PPP1R36: variants seen among roughly 807,000 people sequenced by gnomAD.
The protein encoded by PPP1R36 is chromosome 14 open reading frame 50.
PPP1R36 carries 47 observed loss-of-function variants against 53.4 expected under a neutral mutation model. That is an observed-to-expected ratio of 0.88 (90% confidence interval 0.70 to 1.12). The LOEUF is 1.12. PPP1R36 is among the 50% of genes most tolerant of loss of function. The pLI is 0.00. For missense variants in PPP1R36, 456 were observed against 513.9 expected (o/e 0.89, Z 1.09); for synonymous variants, 153 against 170.5 (o/e 0.90, Z 0.80).
chr14:64,556,601 AT>A (rs753994540), intron 3 of PPP1R36, among the ~76,000 whole-genome samples: 34,468 of 122,668 alleles, frequency 0.28, 4,596 homozygotes, highest in African/African-American at 0.3. Context: ...TGTTCCCACA[AT>A]TTTTTTTTTT....
At chr14:64,556,591 T>G (rs1185674853) in intron 3 of PPP1R36, among the ~76,000 whole-genome samples, 1 of 147,254 alleles carries the variant, frequency 6.8e-6, no homozygotes, top group Non-Finnish European at 1.5e-5. Context: ...GTGAGACTTC[T>G]GTTCCCACAA....
At chr14:64,582,939 T>C (rs2080400367) in intron 8 of PPP1R36, among the ~76,000 whole-genome samples, 1 of 150,712 alleles carries the variant, frequency 6.6e-6, no homozygotes, top group Admixed American at 6.6e-5. Context: ...CCACCCAGGC[T>C]AGAGTGCAGT....
chr14:64,563,598 A>G (rs1418442912), intron 3 of PPP1R36, among the ~76,000 whole-genome samples: 1 of 152,224 alleles, frequency 6.6e-6, no homozygotes, highest in Non-Finnish European at 1.5e-5. Context: ...AGAAGAAGAA[A>G]GTACCAAGCT....
intron 11 of PPP1R36, among the ~76,000 whole-genome samples, chr14:64,588,950 G>T (rs889706507): frequency 2.0e-5 from 3 of 152,142 alleles, no homozygotes; most frequent in Non-Finnish European, 4.4e-5. Context: ...TCTTGCTAAG[G>T]ATTTACTTTT....
intron 3 of PPP1R36, among the ~76,000 whole-genome samples, chr14:64,557,106 A>G (rs2080161698): frequency 6.6e-6 from 1 of 152,138 alleles, no homozygotes; most frequent in South Asian, 2.1e-4. Context: ...TACTAGGATT[A>G]CAGGTGTGAG....
At chr14:64,552,975 A>ATTT in intron 3 of PPP1R36, 114 bp downstream of exon 3, 29 of 703,436 alleles carry the variant, frequency 4.1e-5, no homozygotes, top group Non-Finnish European at 5.3e-5. Context: ...TTAAGTGCCA[A>ATTT]TTTTTTTTTT....
chr14:64,567,514 A>G (rs992475068), intron 6 of PPP1R36, among the ~76,000 whole-genome samples: 1 of 152,236 alleles, frequency 6.6e-6, no homozygotes, highest in African/African-American at 2.4e-5. Flanking sequence ...GCAAGTTGCA[A>G]AGAATTGTAT....
chr14:64,578,412 A>T (rs533493899), intron 8 of PPP1R36, among the ~76,000 whole-genome samples: 1 of 152,354 alleles, frequency 6.6e-6, no homozygotes, highest in South Asian at 2.1e-4. Flanking sequence ...TCTTGAAGAG[A>T]GTAGACTAGA....
rs533058803 is a variant in PPP1R36, at chr14:64,553,699, G to A, written c.182+838G>A. ...TGGGAGACAGTATAAGGAAACCTTC[G>A]GAGGTGGTAGAAATGGTCTATATGT... On this transcript the variant is annotated intron_variant, in intron 3 of 11. Transcript: ENST00000298705. Among the ~76,000 whole-genome samples the A allele has an allele frequency of 3.3e-5, 5 of 151,808 alleles. No individual in the cohort carries two copies. In the East Asian group the frequency reaches 5.8e-4, roughly 18 times the overall value.
chr14:64,561,803 G>C (rs1566650563), intron 3 of PPP1R36: 2 of 455,940 alleles, frequency 4.4e-6, no homozygotes, highest in Middle Eastern at 3.3e-4. Flanking sequence ...CTATTCCAAA[G>C]CTGGCAGAGA....
Position 64,577,064 on chromosome 14 carries a change from T to C in PPP1R36, c.668+2475T>C, listed in dbSNP as rs150573921. Reference sequence around the variant, plus strand: ...TTCTCAGAGTTCTACAGGCTGCAGGTCTAAGATCAGTATACCAGCATGGTC... The same window carrying C: ...TTCTCAGAGTTCTACAGGCTGCAGGCCTAAGATCAGTATACCAGCATGGTC... On this transcript the variant is annotated intron_variant, in intron 8 of 11. Coordinates refer to ENST00000298705, the MANE Select transcript of PPP1R36 (RefSeq NM_172365.3). 1.5e-3 allele frequency among the ~76,000 whole-genome samples: 227 copies of C among 152,282 alleles called. 1 individual carries two copies. Among genetic ancestry groups the C allele is most frequent in the African/African-American group, 5.1e-3 (213 of 41,560 alleles).
intron 7 of PPP1R36, among the ~76,000 whole-genome samples, chr14:64,572,718 A>G (rs2080312510): frequency 1.3e-5 from 2 of 152,228 alleles, no homozygotes; most frequent in South Asian, 2.1e-4. Context: ...TGATTCTTTC[A>G]TAATTCATAG....
At position 64,552,828 on chromosome 14, in the gene PPP1R36, A is replaced by G. The variant is rs1454497401; in HGVS notation, c.149A>G (p.Asp50Gly). The G allele has an allele frequency of 3.1e-6, 5 of 1,613,938 alleles. No individual in the cohort carries two copies. The East Asian group carries it at 1.1e-4, about 36-fold the overall frequency. Residue 50 changes from aspartate to glycine, a missense_variant, in exon 3 of 12, where the codon GAT becomes GGT. Transcript: ENST00000298705. ...TTCTTTCTCAGGTTTGCCGCAGAAG[A>G]TTCTGTCCAGTGGCTCCTGAAACAT... ...TLEFRRFAAEDSVQWLLKHHP... is the reference protein window; with the variant it reads ...TLEFRRFAAEGSVQWLLKHHP...
intron 3 of PPP1R36, among the ~76,000 whole-genome samples, chr14:64,558,888 G>A (rs1280064552): frequency 3.3e-5 from 5 of 151,854 alleles, no homozygotes; most frequent in African/African-American, 9.7e-5. Flanking sequence ...TGCCCGCCTC[G>A]GCCTCCCAAA....
chr14:64,584,628 T>A (rs2080416607), intron 8 of PPP1R36, among the ~76,000 whole-genome samples: 1 of 152,192 alleles, frequency 6.6e-6, no homozygotes, highest in South Asian at 2.1e-4. Flanking sequence ...AAGCTTATTC[T>A]CCTCACAGTC....
At chr14:64,579,168 G>C (rs577313832) in intron 8 of PPP1R36, among the ~76,000 whole-genome samples, 2 of 152,296 alleles carry the variant, frequency 1.3e-5, no homozygotes, top group South Asian at 4.1e-4. Flanking sequence ...TGTCTACTGA[G>C]CTTAATACCT....
At chr14:64,557,826 T>C (rs547751169) in intron 3 of PPP1R36, among the ~76,000 whole-genome samples, 2 of 152,150 alleles carry the variant, frequency 1.3e-5, no homozygotes, top group East Asian at 1.9e-4. Flanking sequence ...CTGGCCAAGA[T>C]GGTAAAACCC....
At chr14:64,552,752 G>A in intron 2 of PPP1R36, 62 bp from the exon 3 acceptor site, 1 of 1,266,348 alleles carries the variant, frequency 7.9e-7, no homozygotes, top group Non-Finnish European at 1.2e-6. Context: ...TATAGAATAT[G>A]TATTTCAGTA....
Position 64,564,745 on chromosome 14 carries a change from T to C in PPP1R36, c.183-6T>C, listed in dbSNP as rs777150462. ...GAAGTCCCTAATTATCTCATTTTTA[T>C]TGCAGTTTTACACCTGCAGCAGAAG... On this transcript the variant is annotated splice_polypyrimidine_tract_variant and splice_region_variant and intron_variant, in intron 3 of 11. Coordinates refer to ENST00000298705, the MANE Select transcript of PPP1R36 (RefSeq NM_172365.3). The C allele has an allele frequency of 8.1e-6, 13 of 1,596,452 alleles. No homozygotes were observed. The highest frequency in any genetic ancestry group is 1.4e-5 in the African/African-American group (1 of 73,916).
Sources: gnomAD v4.1 joint callset for allele counts (sites outside exome capture counted in the v4.1 genomes callset) on GRCh38, gnomAD v4.1.1 for gene constraint, MANE v1.5 for transcripts, NCBI Gene and HGNC (gene_info 2026-07-23, HGNC 2026-07-21) for gene names.